The following PCSK5 variants were observed in gnomAD, a reference collection of about 807,000 sequenced individuals.
PCSK5 encodes proprotein convertase subtilisin/kexin type 5.
A neutral mutation model predicts 233.2 loss-of-function variants in PCSK5; 129 were observed. The observed-to-expected ratio is 0.55, with a 90% confidence interval of 0.48 to 0.64. The LOEUF is 0.64. PCSK5 is among the 30% of genes least tolerant of loss of function. The probability of loss-of-function intolerance (pLI) is 0.00; values close to 1 mark genes in which losing one functional copy is unlikely to be tolerated. For missense variants in PCSK5, 2,076 were observed against 2,430.1 expected (o/e 0.85, Z 3.06); for synonymous variants, 825 against 879.2 (o/e 0.94, Z 1.09).
rs564003128 is a variant in PCSK5, at chr9:76,101,334, G to C, written c.1107+5232G>C. Among the ~76,000 whole-genome samples, 3 of 152,268 alleles carry C rather than the reference G, an allele frequency of 2.0e-5. No homozygotes were observed. In the East Asian group the frequency reaches 5.8e-4, roughly 29 times the overall value. ...AGAAACTTCTTCTGTCGGTAGGTTG[G>C]TGAAAGTGAAACGTTATTTGACAGG... On this transcript the variant is annotated intron_variant, in intron 8 of 37. Transcript: ENST00000674117.
At chr9:76,040,355 C>CG (rs1829049985) in intron 5 of PCSK5, among the ~76,000 whole-genome samples, 4 of 84,406 alleles carry the variant, frequency 4.7e-5, no homozygotes, top group Non-Finnish European at 7.1e-5. Flanking sequence ...CTCTCTCTCT[C>CG]TCTCTCTCTC....
intron 2 of PCSK5, among the ~76,000 whole-genome samples, chr9:75,949,667 ATAGGC>A (rs1348260090): frequency 1.3e-5 from 2 of 152,004 alleles, no homozygotes; most frequent in Non-Finnish European, 2.9e-5. Flanking sequence ...AGCTGGGACT[ATAGGC>A]GCGCACCACC....
intron 1 of PCSK5, among the ~76,000 whole-genome samples, chr9:75,894,980 GT>G (rs1056810064): frequency 1.3e-5 from 2 of 152,188 alleles, no homozygotes; most frequent in East Asian, 3.8e-4. Context: ...CAAACAGATT[GT>G]TTACAATGTG....
intron 2 of PCSK5, among the ~76,000 whole-genome samples, chr9:75,980,208 CTA>C (rs1250144680): frequency 6.6e-6 from 1 of 152,164 alleles, no homozygotes; most frequent in African/African-American, 2.4e-5. Flanking sequence ...AACAATAACA[CTA>C]TGAGTTTTTC....
intron 7 of PCSK5, among the ~76,000 whole-genome samples, chr9:76,078,459 T>C (rs1830715988): frequency 6.6e-6 from 1 of 152,182 alleles, no homozygotes; most frequent in Non-Finnish European, 1.5e-5. Context: ...TTGTATATGG[T>C]GAAAGGTAGG....
In PCSK5 at chr9:76,181,520, A is replaced by G; in HGVS notation, c.2126A>G (p.Tyr709Cys). The G allele has an allele frequency of 1.2e-6, 2 of 1,614,030 alleles. No homozygotes were observed. The highest frequency in any genetic ancestry group is 1.7e-6 in the Non-Finnish European group (2 of 1,179,948). The change falls in exon 16 of 38, where the codon TAT (tyrosine) becomes TGT (cysteine). Residue 709 changes from tyrosine (Y) to cysteine (C), a missense_variant. Transcript: ENST00000674117. ...GGTGACCAATGCATGTCCTGCAAAT[A>G]TGGATACTTTCTGAATGAAGAAACC... ...SHGDQCMSCKYGYFLNEETNS... is the reference protein window; with the variant it reads ...SHGDQCMSCKCGYFLNEETNS...
chr9:75,904,911 C>T (rs572558898), intron 1 of PCSK5, among the ~76,000 whole-genome samples: 9 of 152,166 alleles, frequency 5.9e-5, no homozygotes, highest in South Asian at 4.1e-4. Flanking sequence ...TGTCTATCAA[C>T]GGATAAATGG....
rs184986448 is a variant in PCSK5 at position 76,351,150 on chromosome 9, A to G, written c.5067+222A>G. Among the ~76,000 whole-genome samples, 5 of 152,292 alleles carry G rather than the reference A, an allele frequency of 3.3e-5. No homozygotes were observed. In the East Asian group the frequency reaches 9.7e-4, roughly 29 times the overall value. On this transcript the variant is annotated intron_variant, in intron 36 of 37. Coordinates refer to ENST00000674117, the MANE Select transcript of PCSK5 (RefSeq NM_001372043.1). Reference sequence around the variant, plus strand: ...TCAAAAGGAACTGAGAAGATCTAAGATAATGGGGAAGTTAAGTCGTGAGGG... The same window carrying G: ...TCAAAAGGAACTGAGAAGATCTAAGGTAATGGGGAAGTTAAGTCGTGAGGG...
intron 22 of PCSK5, among the ~76,000 whole-genome samples, chr9:76,238,439 C>T (rs1017740812): frequency 6.6e-6 from 1 of 152,160 alleles, no homozygotes; most frequent in Admixed American, 6.5e-5. Flanking sequence ...TTGTCATTAT[C>T]GGCATTGGCA....
At position 75,902,930 on chromosome 9, in the gene PCSK5, G is replaced by A. The variant is rs80134386; in HGVS notation, c.192+11557G>A. Among the ~76,000 whole-genome samples, 150 of 152,218 alleles carry A rather than the reference G, an allele frequency of 9.9e-4. 4 individuals are homozygous for A. The East Asian group carries it at 0.026, about 26-fold the overall frequency. On this transcript the variant is annotated intron_variant, in intron 1 of 37. Coordinates refer to ENST00000674117, the MANE Select transcript of PCSK5 (RefSeq NM_001372043.1). ...CGTGTTGAACACTGAATATAGAGGG[G>A]ACAGTGGAAACAGAGAATGTAAAAC...
chr9:76,064,511 A>C (rs373623489), intron 5 of PCSK5, among the ~76,000 whole-genome samples: 97 of 131,476 alleles, frequency 7.4e-4, no homozygotes, highest in African/African-American at 2.7e-3. Flanking sequence ...GGGGGGCTGA[A>C]CCCCCCCAAC....
chr9:76,106,790 T>G (rs1299152511), intron 8 of PCSK5, among the ~76,000 whole-genome samples: 2 of 152,220 alleles, frequency 1.3e-5, no homozygotes, highest in African/African-American at 4.8e-5. Flanking sequence ...AAGGTAACAG[T>G]TCTAGGCTGC....
intron 12 of PCSK5, among the ~76,000 whole-genome samples, chr9:76,164,958 T>C (rs1230594846): frequency 6.6e-6 from 1 of 151,860 alleles, no homozygotes; most frequent in Non-Finnish European, 1.5e-5. Context: ...AAAAAACTTA[T>C]CATTTTAGGT....
intron 12 of PCSK5, among the ~76,000 whole-genome samples, chr9:76,160,471 C>A (rs1822804975): frequency 6.6e-6 from 1 of 152,032 alleles, no homozygotes; most frequent in Non-Finnish European, 1.5e-5. Flanking sequence ...TTAATGGGAG[C>A]AAAAACTTTC....
At chr9:76,078,596 A>AT (rs1021282213) in intron 7 of PCSK5, among the ~76,000 whole-genome samples, 1 of 151,910 alleles carries the variant, frequency 6.6e-6, no homozygotes, top group African/African-American at 2.4e-5. Flanking sequence ...CTCTATTGCT[A>AT]TTTTTTTGGT....
chr9:76,270,809 A>G (rs1183014771), intron 24 of PCSK5, among the ~76,000 whole-genome samples: 1 of 152,110 alleles, frequency 6.6e-6, no homozygotes, highest in East Asian at 1.9e-4. Context: ...TTATTAAAGG[A>G]TATGTAATTT....
At chr9:76,046,189 T>G (rs1367245227) in intron 5 of PCSK5, among the ~76,000 whole-genome samples, 36 of 104,384 alleles carry the variant, frequency 3.4e-4, no homozygotes, top group African/African-American at 1.5e-3. Flanking sequence ...TTTTTTTTTT[T>G]TTTTTTGAGA....
At chr9:76,323,771 A>C (rs1022873567) in intron 32 of PCSK5, among the ~76,000 whole-genome samples, 1 of 152,200 alleles carries the variant, frequency 6.6e-6, no homozygotes, top group Non-Finnish European at 1.5e-5. Flanking sequence ...CCTTCCTCAC[A>C]ACAGTGGCTA....
intron 35 of PCSK5, among the ~76,000 whole-genome samples, chr9:76,338,808 A>C (rs1455713451): frequency 2.6e-5 from 4 of 151,742 alleles, no homozygotes; most frequent in Non-Finnish European, 5.9e-5. Context: ...AACTCTCCCA[A>C]GCTCCATGCC....
Sources: allele counts gnomAD v4.1 joint callset (sites outside exome capture counted in the v4.1 genomes callset), GRCh38; gene constraint gnomAD v4.1.1; transcripts MANE v1.5; gene names NCBI Gene and HGNC (gene_info 2026-07-23, HGNC 2026-07-21).